ADAMTS6: variants seen among roughly 807,000 people sequenced by gnomAD.
ADAMTS6 encodes ADAM metallopeptidase with thrombospondin type 1 motif 6.
A neutral mutation model predicts 144.3 loss-of-function variants in ADAMTS6; 23 were observed. That is an observed-to-expected ratio of 0.16 (90% CI 0.11 to 0.23). The LOEUF is 0.23. ADAMTS6 is among the 10% of genes least tolerant of loss of function. ADAMTS6 has a pLI of 1.00. For synonymous variants in ADAMTS6, 444 were observed against 457.5 expected (o/e 0.97, Z 0.38); for missense variants, 999 against 1,379.6 (o/e 0.72, Z 4.37).
chr5:65,307,451 G>A (rs528862997), intron 9 of ADAMTS6, among the ~76,000 whole-genome samples: 56 of 152,310 alleles, frequency 3.7e-4, no homozygotes, highest in Admixed American at 2.7e-3. Flanking sequence ...GGAGACTCAC[G>A]AGGTTAAAAT....
Position 65,332,613 on chromosome 5 carries a change from A to C in ADAMTS6, c.1117+1429T>G, listed in dbSNP as rs113364322. Among the ~76,000 whole-genome samples the C allele has an allele frequency of 3.5e-3, 529 of 152,040 alleles. 7 individuals are homozygous for C. Among genetic ancestry groups the C allele is most frequent in the African/African-American group, 0.012 (508 of 41,520 alleles). On this transcript the variant is annotated intron_variant, in intron 8 of 24. Coordinates refer to ENST00000381055, the MANE Select transcript of ADAMTS6 (RefSeq NM_197941.4). The stretch of plus-strand genomic sequence containing the variant: ...TAAATACATCTACATTTTTTTCCTT[A>C]AATGATTTTAACCATGTCCATGTAG...
Position 65,248,930 on chromosome 5 carries a change from TATACA to T in ADAMTS6, c.1831-6729_1831-6725del, listed in dbSNP as rs548412252. Among the ~76,000 whole-genome samples the T allele has an allele frequency of 3.4e-3, 519 of 152,234 alleles. 3 individuals are homozygous for T. The highest frequency in any genetic ancestry group is 0.011 in the African/African-American group (467 of 41,546). On this transcript the variant is annotated intron_variant, in intron 14 of 24. Coordinates refer to ENST00000381055, the MANE Select transcript of ADAMTS6 (RefSeq NM_197941.4). ...ATAAATACAATATACCATAAATATA[TATACA>T]ATACATCATAAATATATAAATACAC...
intron 11 of ADAMTS6, among the ~76,000 whole-genome samples, chr5:65,287,905 T>C (rs1741840634): frequency 6.6e-6 from 1 of 152,192 alleles, no homozygotes; most frequent in Non-Finnish European, 1.5e-5. Context: ...AGAAACTATA[T>C]ATCATTTATA....
At chr5:65,232,696 T>TAAA (rs879663991) in intron 15 of ADAMTS6, among the ~76,000 whole-genome samples, 1 of 131,086 alleles carries the variant, frequency 7.6e-6, no homozygotes, top group African/African-American at 2.7e-5. Context: ...GTTGAAACAG[T>TAAA]AAAAAAAAAA....
At chr5:65,197,997 A>C (rs1429226290) in intron 20 of ADAMTS6, among the ~76,000 whole-genome samples, 10 of 152,208 alleles carry the variant, frequency 6.6e-5, no homozygotes, top group Admixed American at 2.6e-4. Context: ...CGTATTTGTA[A>C]ATGTTCCTGA....
intron 9 of ADAMTS6, among the ~76,000 whole-genome samples, chr5:65,314,501 T>G (rs1009159807): frequency 6.6e-6 from 1 of 152,094 alleles, no homozygotes; most frequent in East Asian, 1.9e-4. Flanking sequence ...GGCTAAGAAT[T>G]TTTCAACATC....
At chr5:65,183,163 G>A (rs1678938716) in intron 22 of ADAMTS6, among the ~76,000 whole-genome samples, 1 of 152,160 alleles carries the variant, frequency 6.6e-6, no homozygotes, top group Non-Finnish European at 1.5e-5. Flanking sequence ...AGATGTTCAA[G>A]CAGAGAAGTC....
chr5:65,459,001 A>G (rs1759441623), intron 4 of ADAMTS6, among the ~76,000 whole-genome samples: 1 of 151,930 alleles, frequency 6.6e-6, no homozygotes, highest in South Asian at 2.1e-4. Flanking sequence ...GCTATGTTAT[A>G]TCCACTGTTT....
intron 7 of ADAMTS6, among the ~76,000 whole-genome samples, chr5:65,438,142 C>A (rs1757589887): frequency 6.6e-6 from 1 of 152,136 alleles, no homozygotes. Context: ...AACCTATTTC[C>A]CAAGGTTTTA....
At chr5:65,318,023 C>T (rs560698431) in intron 9 of ADAMTS6, among the ~76,000 whole-genome samples, 61 of 129,532 alleles carry the variant, frequency 4.7e-4, no homozygotes, top group African/African-American at 1.4e-3. Context: ...TGCACTGAGC[C>T]GAGATGGTGG....
intron 14 of ADAMTS6, among the ~76,000 whole-genome samples, chr5:65,256,985 C>CTCTCTT (rs765554792): frequency 6.5e-4 from 58 of 88,644 alleles, no homozygotes; most frequent in African/African-American, 2.9e-3. Context: ...CTCTCTCTCT[C>CTCTCTT]TTTTTTTTTT....
intron 7 of ADAMTS6, among the ~76,000 whole-genome samples, chr5:65,351,093 T>A (rs906219353): frequency 1.3e-5 from 2 of 152,230 alleles, no homozygotes; most frequent in African/African-American, 4.8e-5. Flanking sequence ...TACTTTAGTC[T>A]AACACTAATC....
intron 20 of ADAMTS6, among the ~76,000 whole-genome samples, chr5:65,202,808 CAT>C (rs1414019561): frequency 1.3e-5 from 2 of 152,098 alleles, no homozygotes; most frequent in East Asian, 3.9e-4. Context: ...CAAATTCTGC[CAT>C]GTTTAGTTAC....
At position 65,285,686 on chromosome 5, in the gene ADAMTS6, G is replaced by A. The variant is rs145484791; in HGVS notation, c.1512+5643C>T. On this transcript the variant is annotated intron_variant, in intron 11 of 24. Coordinates refer to ENST00000381055, the MANE Select transcript of ADAMTS6 (RefSeq NM_197941.4). ...GATAAACAAGTAAAATAGATAGTAT[G>A]TCAGGAAATGATAAATGTTAAGGAA... Among the ~76,000 whole-genome samples the A allele has an allele frequency of 6.1e-3, 928 of 152,202 alleles. 4 individuals carry two copies. The highest frequency in any genetic ancestry group is 0.01 in the Non-Finnish European group (708 of 67,980).
At chr5:65,238,836 CAATAGGGTTT>C (rs1483323806) in intron 15 of ADAMTS6, among the ~76,000 whole-genome samples, 7 of 152,000 alleles carry the variant, frequency 4.6e-5, no homozygotes, top group African/African-American at 1.7e-4. Flanking sequence ...TTGTAAAATT[CAATAGGGTTT>C]AATACTCAGT....
At chr5:65,275,749 T>G (rs1305813909) in intron 11 of ADAMTS6, among the ~76,000 whole-genome samples, 1 of 151,960 alleles carries the variant, frequency 6.6e-6, no homozygotes, top group South Asian at 2.1e-4. Flanking sequence ...TAATATATTC[T>G]TGTAGTTTAA....
intron 7 of ADAMTS6, among the ~76,000 whole-genome samples, chr5:65,416,684 T>C (rs1229670372): frequency 6.8e-6 from 1 of 147,460 alleles, no homozygotes; most frequent in Non-Finnish European, 1.5e-5. Flanking sequence ...GAGGTTGCAG[T>C]GAGCGGAGAT....
chr5:65,256,082 T>A (rs185212054), intron 14 of ADAMTS6, among the ~76,000 whole-genome samples: 1 of 152,334 alleles, frequency 6.6e-6, no homozygotes, highest in Non-Finnish European at 1.5e-5. Flanking sequence ...ATCTTCTTTA[T>A]AACGAGAATT....
chr5:65,422,365 C>T (rs1252556166), intron 7 of ADAMTS6, among the ~76,000 whole-genome samples: 1 of 152,218 alleles, frequency 6.6e-6, no homozygotes, highest in Non-Finnish European at 1.5e-5. Flanking sequence ...GGCTTGGCGG[C>T]TCACGCCTGT....
Sources: gnomAD v4.1 joint callset for allele counts (sites outside exome capture counted in the v4.1 genomes callset) on GRCh38, gnomAD v4.1.1 for gene constraint, MANE v1.5 for transcripts, NCBI Gene and HGNC (gene_info 2026-07-23, HGNC 2026-07-21) for gene names.